Variants in NPHP4 observed in about 807,000 individuals in gnomAD.
NPHP4 encodes nephrocystin-4.
Under a neutral mutation model 155.8 loss-of-function variants are expected in NPHP4, and 151 were observed. That is an observed-to-expected ratio of 0.97 (90% confidence interval 0.85 to 1.11). NPHP4 has a LOEUF of 1.11. Among genes scored for constraint, NPHP4 ranks in the 50% least tolerant of loss-of-function variants. The probability of loss-of-function intolerance (pLI) is 0.00; values close to 1 mark genes in which losing one functional copy is unlikely to be tolerated. For synonymous variants in NPHP4, 845 were observed against 816.8 expected (o/e 1.03, Z -0.59); for missense variants, 1,956 against 1,925.7 (o/e 1.02, Z -0.29).
intron 6 of NPHP4, among the ~76,000 whole-genome samples, chr1:5,955,802 G>A (rs1013238708): frequency 6.6e-6 from 1 of 152,186 alleles, no homozygotes; most frequent in African/African-American, 2.4e-5. Context: ...AAATTCTGCT[G>A]TTCCTGCACA....
chr1:5,920,251 G>A (rs1348467133), intron 11 of NPHP4, among the ~76,000 whole-genome samples: 1 of 151,732 alleles, frequency 6.6e-6, no homozygotes, highest in Non-Finnish European at 1.5e-5. Flanking sequence ...TGTAGAGTCA[G>A]GGCCTTGCTA....
At position 5,914,257 on chromosome 1, in the gene NPHP4, C is replaced by CAAAAAAAA. The variant is rs575438284; in HGVS notation, c.1442-5052_1442-5045dup. ...GCAACATGGCAAAATCTTATCTATA[C>CAAAAAAAA]AAAAAAAAAAAAAAAAAAAAAAAAA... On this transcript the variant is annotated intron_variant, in intron 11 of 29. Coordinates refer to ENST00000378156, the MANE Select transcript of NPHP4 (RefSeq NM_015102.5). Among the ~76,000 whole-genome samples the CAAAAAAAA allele has an allele frequency of 5.0e-3, 236 of 47,382 alleles. 44 individuals are homozygous for CAAAAAAAA. The highest frequency in any genetic ancestry group is 0.017 in the East Asian group (19 of 1,108). The allele number at this position is 47,382 out of a possible 152,430, so 31.1% of individuals were successfully genotyped here.
chr1:5,972,280 C>T (rs1463252584), intron 3 of NPHP4, among the ~76,000 whole-genome samples: 1 of 152,250 alleles, frequency 6.6e-6, no homozygotes, highest in East Asian at 1.9e-4. Flanking sequence ...GCAGTTCCTA[C>T]CCTCTGGCTC....
At chr1:5,914,095 T>C (rs1192990585) in intron 11 of NPHP4, among the ~76,000 whole-genome samples, 1 of 151,822 alleles carries the variant, frequency 6.6e-6, no homozygotes, top group Non-Finnish European at 1.5e-5. Flanking sequence ...CCTCTCTCAC[T>C]TCCAGCGTCA....
intron 3 of NPHP4, among the ~76,000 whole-genome samples, chr1:5,969,677 ACAC>A (rs1652212229): frequency 6.6e-6 from 1 of 152,184 alleles, no homozygotes; most frequent in East Asian, 1.9e-4. Flanking sequence ...CCAAGACGTA[ACAC>A]ATCCACCACT....
Position 5,904,669 on chromosome 1 carries a change from G to T in NPHP4, c.2091C>A (p.Gly697=), listed in dbSNP as rs531162424. The T allele has an allele frequency of 6.2e-7, 1 of 1,613,888 alleles. No homozygotes were observed. Among genetic ancestry groups the T allele is most frequent in the South Asian group, 1.1e-5 (1 of 91,062 alleles). ...CAGGCACGAGGATGTGGGTCAGGGC[G>T]CCAGAGCTGGGCTGGCCGGCCTCAT... is the stretch of plus-strand genomic sequence containing the variant. ...QLDEAGQPSS[G]ALTHILVPVS... Residue 697 remains glycine (G), a synonymous_variant, in exon 16 of 30, where the codon GGC becomes GGA. Coordinates refer to ENST00000378156, the MANE Select transcript of NPHP4 (RefSeq NM_015102.5).
intron 3 of NPHP4, among the ~76,000 whole-genome samples, chr1:5,969,701 G>A (rs1024770856): frequency 1.3e-5 from 2 of 152,144 alleles, no homozygotes; most frequent in Non-Finnish European, 2.9e-5. Flanking sequence ...AAAAAGACAC[G>A]CACGTGCTGA....
intron 18 of NPHP4, among the ~76,000 whole-genome samples, chr1:5,885,886 T>G (rs188614520): frequency 3.3e-5 from 5 of 152,152 alleles, no homozygotes; most frequent in African/African-American, 1.2e-4. Flanking sequence ...ATGCGCAGAG[T>G]GCTGCGGGTG....
At chr1:5,953,322 T>A (rs1570612952) in intron 6 of NPHP4, among the ~76,000 whole-genome samples, 1 of 152,140 alleles carries the variant, frequency 6.6e-6, no homozygotes, top group African/African-American at 2.4e-5. Flanking sequence ...GCCGGGCTGG[T>A]CTCGAACTCC....
chr1:5,934,500 A>G (rs1221937595), intron 9 of NPHP4, among the ~76,000 whole-genome samples: 2 of 152,116 alleles, frequency 1.3e-5, no homozygotes, highest in Non-Finnish European at 2.9e-5. Flanking sequence ...CCATGAGCAC[A>G]GTGCTCCACT....
chr1:5,907,158 G>A lies in NPHP4; in HGVS notation c.1568C>T (p.Thr523Ile). 1 of 1,587,282 alleles carries A rather than the reference G, an allele frequency of 6.3e-7. No homozygotes were observed. The highest frequency in any genetic ancestry group is 1.2e-5 in the South Asian group (1 of 86,436). Residue 523 changes from threonine to isoleucine, a missense_variant, in exon 13 of 30, where the codon ACT becomes ATT. By Grantham distance (89) the Thr-to-Ile change is moderately conservative. Transcript: ENST00000378156. ...CTGAGAGCCATGGGGTAGCTGTGAA[G>A]TAGGCCTGGCCAAGCAGTGCTGAGT... ...SPTQHCLARP[T>I]SQLPHGSQAS...
At chr1:5,863,671 C>G (rs1370679102) in intron 29 of NPHP4, 4 of 629,794 alleles carry the variant, frequency 6.4e-6, no homozygotes, top group East Asian at 5.5e-5. Context: ...AAGCCCTGGG[C>G]ACAACACCCT....
intron 11 of NPHP4, among the ~76,000 whole-genome samples, chr1:5,926,318 A>G (rs188331135): frequency 2.0e-5 from 3 of 152,334 alleles, no homozygotes; most frequent in Non-Finnish European, 4.4e-5. Flanking sequence ...TGGTACCGGA[A>G]TATTCTTAGA....
chr1:5,937,466 T>C (rs1646603213), intron 9 of NPHP4, among the ~76,000 whole-genome samples: 1 of 152,252 alleles, frequency 6.6e-6, no homozygotes, highest in Admixed American at 6.5e-5. Context: ...ATCACATTAC[T>C]TCACGAGCTT....
rs1642895340 is a variant in NPHP4 at position 5,878,852 on chromosome 1, C to T, written c.2611+1262G>A. On this transcript the variant is annotated intron_variant, in intron 19 of 29. Transcript: ENST00000378156. The stretch of plus-strand genomic sequence containing the variant: ...TCTAAGGAGCTGGCTCTCCACCGTA[C>T]TCTAGGTGGTCTGTGGGACCAGCTG... 2.0e-5 allele frequency among the ~76,000 whole-genome samples: 3 copies of T among 152,232 alleles called. No individual in the cohort carries two copies. The South Asian group carries it at 6.2e-4, about 32-fold the overall frequency.
chr1:5,863,723 A>G lies in NPHP4; in HGVS notation c.4140+167T>C, dbSNP rs1030035774. 4 of 709,098 alleles carry G rather than the reference A, an allele frequency of 5.6e-6. No individual in the cohort carries two copies. The Admixed American group carries it at 7.1e-5, about 13-fold the overall frequency. The allele number at this position is 709,098 out of a possible 1,614,324, so 43.9% of individuals were successfully genotyped here. On this transcript the variant is annotated intron_variant, in intron 29 of 29. Transcript: ENST00000378156. ...AAACTTTGCTAAATCTCCAGCTACT[A>G]AAGATACAACGGGCCCACCCAACTA...
At chr1:5,967,502 G>A (rs932893578) in intron 4 of NPHP4, 139 bp from the exon 5 acceptor site, 5 of 681,260 alleles carry the variant, frequency 7.3e-6, no homozygotes, top group South Asian at 3.4e-5. Flanking sequence ...GAAGGCAGAG[G>A]CAGCTGAGGC....
chr1:5,964,928 TA>T (rs1557850433), intron 5 of NPHP4, among the ~76,000 whole-genome samples: 4 of 35,202 alleles, frequency 1.1e-4, no homozygotes, highest in Non-Finnish European at 1.9e-4. Flanking sequence ...TATATATATA[TA>T]TATATATATA....
At chr1:5,888,321 C>G in intron 17 of NPHP4, 1 of 1,045,282 alleles carries the variant, frequency 9.6e-7, no homozygotes, top group Non-Finnish European at 1.2e-6. Flanking sequence ...GGCTGGGACA[C>G]TCTTCCCCCG....
Sources: gnomAD v4.1 joint callset for allele counts (sites outside exome capture counted in the v4.1 genomes callset) on GRCh38, gnomAD v4.1.1 for gene constraint, MANE v1.5 for transcripts, NCBI Gene and HGNC (gene_info 2026-07-23, HGNC 2026-07-21) for gene names.